BMP8A: variants seen among roughly 807,000 people sequenced by gnomAD.
The protein encoded by BMP8A is BMP-8A.
A neutral mutation model predicts 36.8 loss-of-function variants in BMP8A; 14 were observed. That is an observed-to-expected ratio of 0.38 (90% CI 0.25 to 0.60). The LOEUF is 0.60. BMP8A is among the 20% of genes least tolerant of loss of function. The pLI, the probability that BMP8A is intolerant of heterozygous loss-of-function variation, is 0.63. For missense variants in BMP8A, 267 were observed against 551.1 expected (o/e 0.48, Z 5.16); for synonymous variants, 120 against 237.7 (o/e 0.50, Z 4.55).
Position 39,511,184 on chromosome 1 carries a change from C to A in BMP8A, c.345C>A (p.Asp115Glu), listed in dbSNP as rs1645351106. ...VMSFVNMVER[D>E]RALGHQEPHW... Reference sequence around the variant, plus strand: ...TGCTTTGTCTTCTAGTGGAGCGAGACCGTGCCCTGGGCCACCAGGAGCCCC... The same window carrying A: ...TGCTTTGTCTTCTAGTGGAGCGAGAACGTGCCCTGGGCCACCAGGAGCCCC... Residue 115 changes from aspartate (D) to glutamate (E), a missense_variant, in exon 2 of 7, where the codon GAC becomes GAA. This residue lies in a region of BMP8A where 37 missense variants were observed against 39.5 expected (regional missense o/e 0.94). Transcript: ENST00000331593. The A allele has an allele frequency of 2.2e-6, 3 of 1,381,556 alleles. No individual in the cohort carries two copies. The highest frequency in any genetic ancestry group is 2.9e-6 in the Non-Finnish European group (3 of 1,030,662). The allele number at this position is 1,381,556 out of a possible 1,614,324, so 85.6% of individuals were successfully genotyped here.
intron 1 of BMP8A, among the ~76,000 whole-genome samples, chr1:39,507,846 G>C (rs1053743965): frequency 6.6e-6 from 1 of 152,206 alleles, no homozygotes; most frequent in Non-Finnish European, 1.5e-5. Context: ...TTTTGCAGGC[G>C]TGGACACTGA....
At chr1:39,523,263 T>G in intron 6 of BMP8A, 146 bp downstream of exon 6, 2 of 997,414 alleles carry the variant, frequency 2.0e-6, no homozygotes, top group Non-Finnish European at 3.0e-6. Context: ...CGTCGCTAAC[T>G]TCCCACAGCT....
rs577049330 is a variant in BMP8A, at chr1:39,524,157, G to A, written c.1059+1040G>A. 2.6e-5 allele frequency among the ~76,000 whole-genome samples: 4 copies of A among 152,306 alleles called. No homozygotes were observed. The highest frequency in any genetic ancestry group is 3.4e-3 in the Middle Eastern group (1 of 294). ...GGAAAGGCCCAGGGGTGATGAGGAC[G>A]CGTGGGGTGGCCTGGCCCAGCCACC... On this transcript the variant is annotated intron_variant, in intron 6 of 6. Transcript: ENST00000331593. The surrounding 1 kb of genome is among the most constrained non-coding windows in gnomAD (Gnocchi z 4.0).
intron 6 of BMP8A, chr1:39,523,721 T>C (rs1329463482): frequency 1.5e-6 from 2 of 1,362,964 alleles, no homozygotes; most frequent in Non-Finnish European, 1.9e-6. Flanking sequence ...AGCAGGCTTC[T>C]GATGGGATCA....
At chr1:39,500,030 A>G (rs1266117572) in intron 1 of BMP8A, among the ~76,000 whole-genome samples, 3 of 152,204 alleles carry the variant, frequency 2.0e-5, no homozygotes, top group African/African-American at 7.2e-5. Flanking sequence ...AGGCTGAGAA[A>G]CAGGATTTCT....
chr1:39,499,871 T>A (rs1645239006), intron 1 of BMP8A, among the ~76,000 whole-genome samples: 1 of 152,236 alleles, frequency 6.6e-6, no homozygotes, highest in Non-Finnish European at 1.5e-5. Context: ...CCCTGTTGGC[T>A]GCAGAAAGCT....
intron 1 of BMP8A, among the ~76,000 whole-genome samples, chr1:39,500,567 A>G (rs987999090): frequency 2.6e-5 from 4 of 151,626 alleles, no homozygotes; most frequent in Non-Finnish European, 4.4e-5. Flanking sequence ...ACCCTTTATT[A>G]GATACAAGGT....
chr1:39,516,830 A>G (rs1274912115), intron 3 of BMP8A, among the ~76,000 whole-genome samples: 1 of 151,956 alleles, frequency 6.6e-6, no homozygotes, highest in Non-Finnish European at 1.5e-5. Context: ...TGAACCATGA[A>G]ATGGAGATAA....
At chr1:39,522,358 ACAG>A (rs1427297666) in intron 4 of BMP8A, 42 bp from the exon 5 acceptor site, 1 of 1,422,880 alleles carries the variant, frequency 7.0e-7, no homozygotes, top group Non-Finnish European at 9.7e-7. Flanking sequence ...GTAGCTGCAC[ACAG>A]CAGGAACCCC....
intron 1 of BMP8A, among the ~76,000 whole-genome samples, chr1:39,504,992 C>T (rs1020938287): frequency 6.6e-6 from 1 of 152,216 alleles, no homozygotes; most frequent in African/African-American, 2.4e-5. Flanking sequence ...GCCAGCATGT[C>T]TCACCTCCAG....
At chr1:39,522,646 T>TTTG (rs59170117) in intron 5 of BMP8A, 164 bp downstream of exon 5, 516,678 of 1,103,914 alleles carry the variant, frequency 0.47, 112,798 homozygotes, top group South Asian at 0.67. Flanking sequence ...GAGAAAGGGT[T>TTTG]TTGTTGTTGT....
chr1:39,522,788 AGGGGAGGGCCGGCT>A (rs200844439), intron 5 of BMP8A, among the ~76,000 whole-genome samples: 9,731 of 146,596 alleles, frequency 0.066, 723 homozygotes, highest in African/African-American at 0.21. Context: ...AGGTGTGGGC[AGGGGAGGGCCGGCT>A]GGGGAGGGCC....
At chr1:39,499,974 T>C (rs899933092) in intron 1 of BMP8A, among the ~76,000 whole-genome samples, 10 of 152,224 alleles carry the variant, frequency 6.6e-5, no homozygotes, top group Non-Finnish European at 1.5e-4. Flanking sequence ...TTTGAAGTTC[T>C]TCCCAAGTCA....
chr1:39,505,986 C>CAAAA (rs34923451), intron 1 of BMP8A, among the ~76,000 whole-genome samples: 29 of 133,176 alleles, frequency 2.2e-4, no homozygotes, highest in Admixed American at 5.9e-4. Flanking sequence ...ACCCTGTCTC[C>CAAAA]AAAAAAAAAA....
intron 3 of BMP8A, among the ~76,000 whole-genome samples, chr1:39,518,133 G>T (rs188617222): frequency 2.6e-5 from 4 of 152,314 alleles, no homozygotes; most frequent in Admixed American, 2.6e-4. Flanking sequence ...GCGTGCACAC[G>T]TGCTGTTGAC....
chr1:39,517,418 C>G (rs1052521637), intron 3 of BMP8A, among the ~76,000 whole-genome samples: 6 of 151,854 alleles, frequency 4.0e-5, no homozygotes, highest in African/African-American at 1.5e-4. Flanking sequence ...TGGGTTCAAG[C>G]AATTCTCATG....
chr1:39,494,487 G>A (rs1298565953), intron 1 of BMP8A, among the ~76,000 whole-genome samples: 1 of 151,474 alleles, frequency 6.6e-6, no homozygotes, highest in African/African-American at 2.4e-5. Context: ...AGTAGCTAGG[G>A]CTACAGTCGC....
At chr1:39,497,041 A>G (rs191553287) in intron 1 of BMP8A, among the ~76,000 whole-genome samples, 26 of 152,286 alleles carry the variant, frequency 1.7e-4, no homozygotes, top group Non-Finnish European at 3.1e-4. Context: ...CTTACAGTGC[A>G]TACTCTTGAG....
intron 1 of BMP8A, among the ~76,000 whole-genome samples, chr1:39,508,648 T>C (rs1208389906): frequency 6.6e-6 from 1 of 152,170 alleles, no homozygotes; most frequent in Non-Finnish European, 1.5e-5. Flanking sequence ...CAACAAATGC[T>C]CTTCCTCAGC....
Sources: gnomAD v4.1 joint callset for allele counts (sites outside exome capture counted in the v4.1 genomes callset) on GRCh38, gnomAD v4.1.1 for gene constraint, gnomAD v4.1.1 regional missense constraint, Gnocchi (gnomAD v3.1) non-coding constraint, MANE v1.5 for transcripts, NCBI Gene and HGNC (gene_info 2026-07-23, HGNC 2026-07-21) for gene names.